KIAA1958: variants seen among roughly 807,000 people sequenced by gnomAD.
KIAA1958 encodes the protein KIAA1958.
KIAA1958 carries 14 observed loss-of-function variants against 47.2 expected under a neutral mutation model. That is an observed-to-expected ratio of 0.30 (90% CI 0.20 to 0.46). The LOEUF (loss-of-function observed/expected upper bound fraction) is 0.46. Among genes scored for constraint, KIAA1958 ranks in the 20% least tolerant of loss-of-function variants. KIAA1958 has a pLI of 1.00. For missense variants in KIAA1958, 803 were observed against 909.2 expected (o/e 0.88, Z 1.50); for synonymous variants, 354 against 353.3 (o/e 1.00, Z -0.02).
chr9:112,634,419 C>T (rs1487306207), intron 2 of KIAA1958, among the ~76,000 whole-genome samples: 4 of 151,932 alleles, frequency 2.6e-5, no homozygotes, highest in Admixed American at 6.6e-5. Flanking sequence ...TTAGTAGAGA[C>T]GGGGTTTCAC....
At chr9:112,531,509 T>G (rs1834751730) in intron 1 of KIAA1958, among the ~76,000 whole-genome samples, 1 of 152,258 alleles carries the variant, frequency 6.6e-6, no homozygotes, top group African/African-American at 2.4e-5. Flanking sequence ...CATATGACAC[T>G]GCTTTTCTGT....
intron 1 of KIAA1958, among the ~76,000 whole-genome samples, chr9:112,559,628 AG>A (rs1253396104): frequency 2.0e-5 from 3 of 152,218 alleles, no homozygotes; most frequent in African/African-American, 7.2e-5. Context: ...TTATTTACCA[AG>A]GTGAGGCTGT....
chr9:112,665,151 G>A lies in KIAA1958; in HGVS notation c.*5082G>A, dbSNP rs149146780. On this transcript the variant is annotated 3_prime_UTR_variant, in exon 4 of 4. Transcript: ENST00000337530. ...TATTTTAGTTCCATTACTATTAATAGCAATTAGATAACTCTCCCTCCCCCC... is the reference window on the plus strand; with the variant it reads ...TATTTTAGTTCCATTACTATTAATAACAATTAGATAACTCTCCCTCCCCCC... 5.1e-4 allele frequency: 77 copies of A among 152,178 alleles called. No individual in the cohort carries two copies. The highest frequency in any genetic ancestry group is 1.8e-3 in the African/African-American group (76 of 41,516). 9.4% of individuals were successfully genotyped at this position (152,178 alleles called of 1,614,324 possible). A position where few individuals can be genotyped will look rare whatever the true frequency, so the allele number is the denominator to read the frequency against.
chr9:112,625,247 G>A (rs192489916), intron 2 of KIAA1958, among the ~76,000 whole-genome samples: 1 of 152,120 alleles, frequency 6.6e-6, no homozygotes, highest in Non-Finnish European at 1.5e-5. Flanking sequence ...GAACTCCTGG[G>A]CTCAAGCAAT....
chr9:112,525,611 T>C (rs1208588588), intron 1 of KIAA1958, among the ~76,000 whole-genome samples: 2 of 152,218 alleles, frequency 1.3e-5, no homozygotes, highest in African/African-American at 4.8e-5. Flanking sequence ...CAATTATTCA[T>C]ATATAAAAAT....
chr9:112,596,605 ACTT>A (rs2131195906), intron 2 of KIAA1958, among the ~76,000 whole-genome samples: 1 of 152,286 alleles, frequency 6.6e-6, no homozygotes, highest in East Asian at 1.9e-4. Flanking sequence ...TTTATAATGA[ACTT>A]CTCAAAAATA....
intron 3 of KIAA1958, among the ~76,000 whole-genome samples, chr9:112,658,597 G>A (rs544808022): frequency 2.6e-5 from 4 of 152,056 alleles, no homozygotes; most frequent in Admixed American, 6.5e-5. Context: ...ACCCTTTCAC[G>A]GTCCTCTGCT....
chr9:112,572,961 G>A (rs1359829006), intron 1 of KIAA1958, among the ~76,000 whole-genome samples: 2 of 152,114 alleles, frequency 1.3e-5, no homozygotes, highest in East Asian at 1.9e-4. Flanking sequence ...GAGCACCAGC[G>A]GGGCACCTCT....
intron 2 of KIAA1958, among the ~76,000 whole-genome samples, chr9:112,577,770 C>T (rs1835672446): frequency 1.1e-5 from 1 of 93,470 alleles, no homozygotes; most frequent in Admixed American, 1.0e-4. Flanking sequence ...GAAATTCAGC[C>T]TATTTGAAAA....
At chr9:112,501,181 G>A (rs1212624219) in intron 1 of KIAA1958, among the ~76,000 whole-genome samples, 2 of 151,648 alleles carry the variant, frequency 1.3e-5, no homozygotes, top group East Asian at 1.9e-4. Context: ...AGATTAAAAA[G>A]GAAGGAGCAC....
At chr9:112,575,643 A>G (rs1225128002) in intron 2 of KIAA1958, among the ~76,000 whole-genome samples, 1 of 152,188 alleles carries the variant, frequency 6.6e-6, no homozygotes, top group Non-Finnish European at 1.5e-5. Flanking sequence ...AAGGCATATC[A>G]TGACAATAGA....
At chr9:112,505,301 C>T (rs1245968471) in intron 1 of KIAA1958, among the ~76,000 whole-genome samples, 2 of 152,132 alleles carry the variant, frequency 1.3e-5, no homozygotes, top group African/African-American at 4.8e-5. Flanking sequence ...GCTTTGAATC[C>T]TGTTTCTGGC....
At chr9:112,565,443 G>GT (rs1461772047) in intron 1 of KIAA1958, among the ~76,000 whole-genome samples, 1 of 152,130 alleles carries the variant, frequency 6.6e-6, no homozygotes, top group African/African-American at 2.4e-5. Context: ...TGATAACTCT[G>GT]TAAGTGTCTT....
chr9:112,546,037 A>C (rs978985097), intron 1 of KIAA1958, among the ~76,000 whole-genome samples: 2 of 151,850 alleles, frequency 1.3e-5, no homozygotes, highest in Admixed American at 1.3e-4. Flanking sequence ...GAGGCTGGCA[A>C]ATTTGTGTAA....
intron 1 of KIAA1958, among the ~76,000 whole-genome samples, chr9:112,543,795 A>T (rs1834984427): frequency 6.6e-6 from 1 of 151,986 alleles, no homozygotes; most frequent in Non-Finnish European, 1.5e-5. Context: ...CTGGTCTCGA[A>T]CTTCCGACCT....
At position 112,618,855 on chromosome 9, in the gene KIAA1958, A is replaced by G. The variant is rs1836449526; in HGVS notation, c.1172-26795A>G. ...CAGGCTGCCCAGTCAGTGGCCGGCCACTCCAACAATGGCAATTTCATCGTC... is the reference window on the plus strand; with the variant it reads ...CAGGCTGCCCAGTCAGTGGCCGGCCGCTCCAACAATGGCAATTTCATCGTC... On this transcript the variant is annotated intron_variant, in intron 2 of 3. Transcript: ENST00000337530. The surrounding 1 kb of genome is among the most constrained non-coding windows in gnomAD (Gnocchi z 7.1). 1 of 1,549,476 alleles carries G rather than the reference A, an allele frequency of 6.5e-7. No homozygotes were observed. Among genetic ancestry groups the G allele is most frequent in the African/African-American group, 1.4e-5 (1 of 73,064 alleles).
chr9:112,654,740 G>T (rs1235962160), intron 3 of KIAA1958, among the ~76,000 whole-genome samples: 1 of 151,232 alleles, frequency 6.6e-6, no homozygotes, highest in Non-Finnish European at 1.5e-5. Flanking sequence ...TTAGTGCAAT[G>T]GTTACTGGCA....
chr9:112,627,552 G>C (rs1362301338), intron 2 of KIAA1958, among the ~76,000 whole-genome samples: 1 of 152,150 alleles, frequency 6.6e-6, no homozygotes, highest in Non-Finnish European at 1.5e-5. Context: ...TCAGGAGTTC[G>C]AGGCCAGCCT....
rs1243841226 is a variant in KIAA1958 at position 112,667,945 on chromosome 9, A to G, written c.*7876A>G. On this transcript the variant is annotated 3_prime_UTR_variant, in exon 4 of 4. Transcript: ENST00000337530. The stretch of plus-strand genomic sequence containing the variant: ...GTATGTATGCTTTTAAATAGATAAT[A>G]TGGCTAGAAGCTACATATCTAAAAG... 2.0e-5 allele frequency: 3 copies of G among 152,234 alleles called. No homozygotes were observed. The highest frequency in any genetic ancestry group is 7.2e-5 in the African/African-American group (3 of 41,460). The allele number at this position is 152,234 out of a possible 1,614,324, so 9.4% of individuals were successfully genotyped here.
Sources: allele counts gnomAD v4.1 joint callset (sites outside exome capture counted in the v4.1 genomes callset), GRCh38; gene constraint gnomAD v4.1.1; non-coding constraint Gnocchi (gnomAD v3.1); transcripts MANE v1.5; gene names NCBI Gene and HGNC (gene_info 2026-07-23, HGNC 2026-07-21).